SP3: variants seen among roughly 807,000 people sequenced by gnomAD.
The protein encoded by SP3 is Sp3 transcription factor, also known as transcription factor Sp3.
Under a neutral mutation model 70.3 loss-of-function variants are expected in SP3, and 10 were observed. The ratio of observed to expected loss-of-function variants is 0.14; its 90% CI spans 0.09 to 0.24. The LOEUF (loss-of-function observed/expected upper bound fraction) is 0.24. SP3 is among the 10% of genes least tolerant of loss of function. SP3 has a pLI of 1.00. For missense variants in SP3, 825 were observed against 914.6 expected (o/e 0.90, Z 1.26); for synonymous variants, 402 against 333.5 (o/e 1.21, Z -2.24).
chr2:173,944,323 C>T (rs1334648436), intron 4 of SP3, among the ~76,000 whole-genome samples: 1 of 152,060 alleles, frequency 6.6e-6, no homozygotes, highest in Non-Finnish European at 1.5e-5. Flanking sequence ...TGCTTGAGCT[C>T]AGGAGTTCGA....
chr2:173,920,774 A>G (rs1428364148), intron 4 of SP3, among the ~76,000 whole-genome samples: 2 of 151,962 alleles, frequency 1.3e-5, no homozygotes, highest in Non-Finnish European at 2.9e-5. Context: ...TATTTTTAGT[A>G]GAGACAGGGT....
chr2:173,957,845 G>A (rs1181653735), intron 3 of SP3, among the ~76,000 whole-genome samples: 6 of 152,120 alleles, frequency 3.9e-5, no homozygotes, highest in Non-Finnish European at 5.9e-5. Flanking sequence ...ATAGCGATCT[G>A]TCTTAAATAC....
At chr2:173,941,089 C>T (rs976262810) in intron 4 of SP3, among the ~76,000 whole-genome samples, 8 of 150,670 alleles carry the variant, frequency 5.3e-5, no homozygotes, top group Non-Finnish European at 7.4e-5. Context: ...AGGTCCACCT[C>T]CAGCTACCAC....
At chr2:173,964,322 T>TGAGGCGAGGAGGGAGGGGG in intron 2 of SP3, 83 bp downstream of exon 2, 1 of 452,806 alleles carries the variant, frequency 2.2e-6, no homozygotes, top group Non-Finnish European at 3.8e-6. Flanking sequence ...GAGGGAGGGG[T>TGAGGCGAGGAGGGAGGGGG]GAGGCGAGGA....
Position 173,955,677 on chromosome 2 carries a change from G to A in SP3, c.835C>T (p.Leu279Phe), listed in dbSNP as rs1441778740. ...GTCATTGTCTGAGAACTGCCCGAGA[G>A]TCCCAAAGAATCTAGATCGACACTA... is the stretch of plus-strand genomic sequence containing the variant. ...INSVDLDSLG[L>F]SGSSQTMTAG... is the part of the protein sequence containing the mutation. The change falls in exon 4 of 7, where the codon CTC (leucine) becomes TTC (phenylalanine). Residue 279 changes from leucine to phenylalanine, a missense_variant. Leu to Phe is a conservative substitution (Grantham distance 22). Transcript: ENST00000310015. 10 of 1,614,190 alleles carry A rather than the reference G, an allele frequency of 6.2e-6. No homozygotes were observed. The highest frequency in any genetic ancestry group is 8.5e-6 in the Non-Finnish European group (10 of 1,180,034).
In SP3 at chr2:173,901,738, G is replaced by A. The variant is rs1689194416; in HGVS notation, c.*8203C>T. Among the ~76,000 whole-genome samples, 1 of 110,938 alleles carries A rather than the reference G, an allele frequency of 9.0e-6. No individual in the cohort carries two copies. Among genetic ancestry groups the A allele is most frequent in the Non-Finnish European group, 1.7e-5 (1 of 60,242 alleles). The allele number at this position is 110,938 out of a possible 152,430, so 72.8% of individuals were successfully genotyped here. ...TTTTTTTGAGACGAAATCTTGCTCT[G>A]TCGCCCAGGCTGGAGTGCAGTGGTG... On this transcript the variant is annotated 3_prime_UTR_variant, in exon 7 of 7. Transcript: ENST00000310015.
rs1371907909 is a variant in SP3 at position 173,908,572 on chromosome 2, TATAA to T, written c.*1365_*1368del. On this transcript the variant is annotated 3_prime_UTR_variant, in exon 7 of 7. Transcript: ENST00000310015. ...AGTGTTTTATTAACTACCACACTGT[TATAA>T]TACACTTTAAACGTACAATAAGGTA... 6.6e-6 allele frequency: 1 copy of T among 152,444 alleles called. No homozygotes were observed. The highest frequency in any genetic ancestry group is 2.4e-5 in the African/African-American group (1 of 41,434). The allele number at this position is 152,444 out of a possible 1,614,324, so 9.4% of individuals were successfully genotyped here.
intron 5 of SP3, chr2:173,916,337 G>A (rs905974551): frequency 6.6e-6 from 1 of 152,020 alleles, no homozygotes; most frequent in African/African-American, 2.4e-5. Context: ...AGGAAAGGCT[G>A]ACCAACTTTA....
At chr2:173,933,789 A>C (rs1028400896) in intron 4 of SP3, among the ~76,000 whole-genome samples, 6 of 151,714 alleles carry the variant, frequency 4.0e-5, no homozygotes, top group African/African-American at 1.5e-4. Flanking sequence ...AAGCAAATGA[A>C]ATGATAAAGT....
At chr2:173,934,114 C>T (rs1170410072) in intron 4 of SP3, among the ~76,000 whole-genome samples, 1 of 151,898 alleles carries the variant, frequency 6.6e-6, no homozygotes, top group Non-Finnish European at 1.5e-5. Context: ...GTGCGGGGCA[C>T]CTGTAGTCCC....
intron 1 of SP3, 126 bp from the exon 2 acceptor site, chr2:173,964,679 G>GCC: frequency 4.4e-6 from 1 of 227,754 alleles, no homozygotes; most frequent in South Asian, 7.1e-5. Context: ...TCCCCCACCC[G>GCC]CCCCCCGGCG....
Position 173,905,680 on chromosome 2 carries a change from A to C in SP3, c.*4261T>G, listed in dbSNP as rs1326732458. Among the ~76,000 whole-genome samples the C allele has an allele frequency of 6.6e-6, 1 of 152,142 alleles. No homozygotes were observed. Among genetic ancestry groups the C allele is most frequent in the Non-Finnish European group, 1.5e-5 (1 of 68,020 alleles). On this transcript the variant is annotated 3_prime_UTR_variant, in exon 7 of 7. Coordinates refer to ENST00000310015, the MANE Select transcript of SP3 (RefSeq NM_003111.5). The stretch of plus-strand genomic sequence containing the variant: ...CATCAAATAAAAGCCAACATGGGAA[A>C]AAAAAAAACCTTGTATACCCTTTAG...
At chr2:173,964,124 G>A in intron 2 of SP3, 1 of 355,668 alleles carries the variant, frequency 2.8e-6, no homozygotes, top group Non-Finnish European at 5.0e-6. Flanking sequence ...GGCGGGCTGC[G>A]CGCCGGGCCT....
In SP3 at chr2:173,902,914, C is replaced by G. The variant is rs1188827771; in HGVS notation, c.*7027G>C. On this transcript the variant is annotated 3_prime_UTR_variant, in exon 7 of 7. Transcript: ENST00000310015. ...ATTTCAGGCACAACTGTGATCATTC[C>G]TTTCTAAAAGAAAAAATATATAGGT... 6.6e-6 allele frequency among the ~76,000 whole-genome samples: 1 copy of G among 152,080 alleles called. No individual in the cohort carries two copies. Among genetic ancestry groups the G allele is most frequent in the Non-Finnish European group, 1.5e-5 (1 of 68,016 alleles).
At chr2:173,926,408 G>A (rs1689910346) in intron 4 of SP3, among the ~76,000 whole-genome samples, 2 of 152,074 alleles carry the variant, frequency 1.3e-5, no homozygotes, top group African/African-American at 2.4e-5. Context: ...CAGGTTCTAT[G>A]TATGTATTTA....
At chr2:173,911,377 G>C (rs973779738) in intron 6 of SP3, among the ~76,000 whole-genome samples, 5 of 152,240 alleles carry the variant, frequency 3.3e-5, no homozygotes, top group South Asian at 4.1e-4. Context: ...ACAAAAAAAG[G>C]TCTCTCACTT....
chr2:173,959,035 G>C (rs1456491068), intron 3 of SP3, among the ~76,000 whole-genome samples: 1 of 152,136 alleles, frequency 6.6e-6, no homozygotes, highest in African/African-American at 2.4e-5. Flanking sequence ...CTGGCACTCA[G>C]TAAGATCAAT....
chr2:173,962,488 A>G (rs1378701371), intron 3 of SP3, among the ~76,000 whole-genome samples: 2 of 152,252 alleles, frequency 1.3e-5, no homozygotes, highest in African/African-American at 4.8e-5. Context: ...GTACCAATCC[A>G]TAAATGTATT....
At chr2:173,916,164 CAAT>C (rs1689614303) in intron 5 of SP3, 1 of 151,906 alleles carries the variant, frequency 6.6e-6, no homozygotes, top group South Asian at 2.1e-4. Flanking sequence ...CTCTAAGAAA[CAAT>C]ATAGTTTCTT....
Sources: allele counts gnomAD v4.1 joint callset (sites outside exome capture counted in the v4.1 genomes callset), GRCh38; gene constraint gnomAD v4.1.1; transcripts MANE v1.5; gene names NCBI Gene and HGNC (gene_info 2026-07-23, HGNC 2026-07-21).